PHLDB2: variants seen among roughly 807,000 people sequenced by gnomAD.
The protein encoded by PHLDB2 is pleckstrin homology like domain family B member 2, also known as pleckstrin homology-like domain family B member 2.
PHLDB2 carries 71 observed loss-of-function variants against 123.6 expected under a neutral mutation model. That is an observed-to-expected ratio of 0.57 (90% CI 0.47 to 0.70). The LOEUF is 0.70. Among genes scored for constraint, PHLDB2 ranks in the 30% least tolerant of loss-of-function variants. PHLDB2 has a pLI of 0.00. For missense variants in PHLDB2, 1,446 were observed against 1,519.5 expected (o/e 0.95, Z 0.80); for synonymous variants, 547 against 541.6 (o/e 1.01, Z -0.14).
chr3:111,908,897 A>C (rs1314974275), intron 2 of PHLDB2, among the ~76,000 whole-genome samples: 4 of 152,142 alleles, frequency 2.6e-5, no homozygotes, highest in Non-Finnish European at 5.9e-5. Context: ...TTCTCATTCT[A>C]CCACTCACTC....
At chr3:111,862,200 A>G (rs1264221998) in intron 1 of PHLDB2, among the ~76,000 whole-genome samples, 1 of 152,016 alleles carries the variant, frequency 6.6e-6, no homozygotes, top group Non-Finnish European at 1.5e-5. Context: ...CTGATTTTCA[A>G]CCCTTAGCAG....
intron 8 of PHLDB2, 134 bp from the exon 9 acceptor site, chr3:111,945,134 T>C (rs2070211318): frequency 1.5e-6 from 1 of 654,528 alleles, no homozygotes; most frequent in East Asian, 2.7e-5. Context: ...AAATTTTGAC[T>C]GAGTATGATG....
intron 9 of PHLDB2, 124 bp from the exon 10 acceptor site, chr3:111,948,808 G>T: frequency 2.5e-6 from 2 of 797,522 alleles, no homozygotes; most frequent in Admixed American, 2.5e-5. Flanking sequence ...TGAAACATTT[G>T]ATAATACCAC....
rs1366660984 is a variant in PHLDB2 at position 111,884,166 on chromosome 3, AT to A, written c.91del (p.Ser31ProfsTer4). 5 of 1,614,196 alleles carry A rather than the reference AT, an allele frequency of 3.1e-6. No homozygotes were observed. Among genetic ancestry groups the A allele is most frequent in the Non-Finnish European group, 4.2e-6 (5 of 1,180,020 alleles). ...EDSVVHSVEN[D>X]SQNMMESLSP... ...TCTGTGGTGCATTCTGTTGAGAACG[AT>A]TCCCAAAACATGATGGAGAGCCTCA... On this transcript the variant is annotated frameshift_variant, in exon 2 of 18. Transcript: ENST00000431670. LOFTEE classifies it high-confidence loss of function.
rs187391082 is a variant in PHLDB2 at position 111,944,229 on chromosome 3, A to C, written c.2398-1039A>C. ...GTGGAAATCAGAACAATGCTTGCTC[A>C]TAAGGGTGGAAGTTGACAGGTAGGG... On this transcript the variant is annotated intron_variant, in intron 8 of 17. Coordinates refer to ENST00000431670, the MANE Select transcript of PHLDB2 (RefSeq NM_001134438.2). Among the ~76,000 whole-genome samples the C allele has an allele frequency of 8.3e-4, 127 of 152,318 alleles. 4 individuals are homozygous for C. The East Asian group carries it at 0.019, about 23-fold the overall frequency.
At chr3:111,794,231 A>G (rs565751926) in intron 1 of PHLDB2, among the ~76,000 whole-genome samples, 21 of 150,132 alleles carry the variant, frequency 1.4e-4, no homozygotes, top group African/African-American at 5.0e-4. Context: ...CTCCATGGAC[A>G]CTTGCCGATT....
intron 2 of PHLDB2, among the ~76,000 whole-genome samples, chr3:111,907,833 GTC>G (rs1159392168): frequency 1.3e-5 from 2 of 151,944 alleles, no homozygotes; most frequent in Non-Finnish European, 2.9e-5. Context: ...GTCTCCCTCT[GTC>G]TCTCAGGCTG....
At chr3:111,734,177 G>T (rs1941603000) in intron 1 of PHLDB2, among the ~76,000 whole-genome samples, 1 of 152,228 alleles carries the variant, frequency 6.6e-6, no homozygotes, top group Non-Finnish European at 1.5e-5. Context: ...AAGATATTAA[G>T]CACTGCAAAA....
chr3:111,918,808 T>C (rs1198968392), intron 3 of PHLDB2, among the ~76,000 whole-genome samples: 1 of 152,210 alleles, frequency 6.6e-6, no homozygotes, highest in East Asian at 1.9e-4. Context: ...CTGTGTAATC[T>C]CTTAGTTCTT....
chr3:111,964,541 C>T (rs58052524), intron 13 of PHLDB2, among the ~76,000 whole-genome samples: 1,742 of 151,418 alleles, frequency 0.012, 45 homozygotes, highest in African/African-American at 0.039. Flanking sequence ...GGGGTTTCAC[C>T]ATGTTGGCCA....
At chr3:111,781,278 C>T (rs1359109343) in intron 1 of PHLDB2, among the ~76,000 whole-genome samples, 2 of 152,030 alleles carry the variant, frequency 1.3e-5, no homozygotes, top group Non-Finnish European at 2.9e-5. Flanking sequence ...TCTCCACCTG[C>T]TTTCCTTATG....
At chr3:111,759,407 GC>G (rs1353645942) in intron 1 of PHLDB2, among the ~76,000 whole-genome samples, 1 of 152,150 alleles carries the variant, frequency 6.6e-6, no homozygotes, top group African/African-American at 2.4e-5. Flanking sequence ...TTACCCAAAG[GC>G]TCCTTCTCCT....
intron 1 of PHLDB2, among the ~76,000 whole-genome samples, chr3:111,866,740 A>G (rs953953991): frequency 6.6e-6 from 1 of 152,010 alleles, no homozygotes; most frequent in African/African-American, 2.4e-5. Flanking sequence ...TCCCTGTAGC[A>G]CTCCTGTGAT....
intron 5 of PHLDB2, among the ~76,000 whole-genome samples, chr3:111,927,011 A>G (rs1359728332): frequency 1.3e-5 from 2 of 152,164 alleles, no homozygotes; most frequent in African/African-American, 4.8e-5. Context: ...AGACTCATCA[A>G]AAGGAATGCT....
intron 1 of PHLDB2, among the ~76,000 whole-genome samples, chr3:111,769,748 C>G (rs2060142038): frequency 6.6e-6 from 1 of 152,172 alleles, no homozygotes; most frequent in Non-Finnish European, 1.5e-5. Context: ...GCCTTAGAAA[C>G]TTTTCCTTTG....
chr3:111,743,382 A>C (rs2059634604), intron 1 of PHLDB2, among the ~76,000 whole-genome samples: 1 of 152,232 alleles, frequency 6.6e-6, no homozygotes, highest in African/African-American at 2.4e-5. Context: ...AATTCTGTGC[A>C]GTCCAGGGCT....
intron 14 of PHLDB2, among the ~76,000 whole-genome samples, chr3:111,967,350 T>G (rs1339341957): frequency 6.6e-6 from 1 of 152,236 alleles, no homozygotes; most frequent in Non-Finnish European, 1.5e-5. Context: ...AGTGCTAAAG[T>G]ACAGTTTGTG....
At chr3:111,796,869 A>T (rs1362509223) in intron 1 of PHLDB2, among the ~76,000 whole-genome samples, 2 of 152,206 alleles carry the variant, frequency 1.3e-5, no homozygotes, top group African/African-American at 4.8e-5. Context: ...AAATAGTAAG[A>T]TATACAATAA....
chr3:111,942,924 T>C (rs1262110490), intron 8 of PHLDB2, among the ~76,000 whole-genome samples: 3 of 152,032 alleles, frequency 2.0e-5, no homozygotes, highest in East Asian at 1.9e-4. Flanking sequence ...TATTGATCAG[T>C]TGATGAAAAT....
Sources: gnomAD v4.1 joint callset for allele counts (sites outside exome capture counted in the v4.1 genomes callset) on GRCh38, gnomAD v4.1.1 for gene constraint, MANE v1.5 for transcripts, NCBI Gene and HGNC (gene_info 2026-07-23, HGNC 2026-07-21) for gene names.